IFT122: variants seen among roughly 807,000 people sequenced by gnomAD.
The protein encoded by IFT122 is intraflagellar transport 122.
A neutral mutation model predicts 161.6 loss-of-function variants in IFT122; 118 were observed. The observed-to-expected ratio is 0.73, with a 90% CI of 0.63 to 0.85. The LOEUF is 0.85. IFT122 is among the 40% of genes least tolerant of loss of function. IFT122 has a pLI of 0.00. For missense variants in IFT122, 1,381 were observed against 1,579.6 expected (o/e 0.87, Z 2.13); for synonymous variants, 550 against 602.4 (o/e 0.91, Z 1.27).
chr3:129,443,315 G>A (rs767099041), intron 1 of IFT122, among the ~76,000 whole-genome samples: 1 of 152,252 alleles, frequency 6.6e-6, no homozygotes, highest in Non-Finnish European at 1.5e-5. Context: ...AGGACAATTT[G>A]CAGGATTCCT....
At position 129,470,513 on chromosome 3, in the gene IFT122, C is replaced by T. The variant is rs1577495215; in HGVS notation, c.816+1096C>T. 2.6e-5 allele frequency among the ~76,000 whole-genome samples: 4 copies of T among 151,990 alleles called. No individual in the cohort carries two copies. The East Asian group carries it at 7.8e-4, about 30-fold the overall frequency. ...ATCTCCTGACCTCGTGATCCGCCCG[C>T]CTCAGCCTCCCAAAGTGCTGGGATT... On this transcript the variant is annotated intron_variant, in intron 9 of 29. Transcript: ENST00000348417.
At chr3:129,493,100 G>C (rs1175663984) in intron 17 of IFT122, among the ~76,000 whole-genome samples, 1 of 152,106 alleles carries the variant, frequency 6.6e-6, no homozygotes, top group Non-Finnish European at 1.5e-5. Context: ...TTATAGACTT[G>C]AGCTACCATG....
intron 1 of IFT122, among the ~76,000 whole-genome samples, chr3:129,441,279 G>C (rs183040424): frequency 6.6e-6 from 1 of 152,168 alleles, no homozygotes; most frequent in Non-Finnish European, 1.5e-5. Context: ...ATCTTTCTCT[G>C]TGTAAAGCAT....
rs1559889454 is a variant in IFT122 at position 129,469,379 on chromosome 3, G to C, written c.778G>C (p.Gly260Arg). 1 of 1,614,004 alleles carries C rather than the reference G, an allele frequency of 6.2e-7. No individual in the cohort carries two copies. The highest frequency in any genetic ancestry group is 8.5e-7 in the Non-Finnish European group (1 of 1,179,958). ...RNDILAVADW[G>R]QKVSFYQLSG... ...TGACATCCTGGCTGTGGCTGACTGG[G>C]GACAGAAAGTTTCCTTCTACCAGCT... The change falls in exon 9 of 30, where the codon GGA becomes CGA. Residue 260 changes from glycine (G) to arginine (R), a missense_variant. Gly to Arg is a moderately radical substitution (Grantham distance 125, BLOSUM62 -2). Transcript: ENST00000348417.
At chr3:129,512,859 G>A (rs2082999885) in intron 24 of IFT122, 1 of 248,064 alleles carries the variant, frequency 4.0e-6, no homozygotes, top group African/African-American at 2.3e-5. Context: ...CATCAAAGAG[G>A]GAGGTCACAA....
chr3:129,517,268 G>GCACGCGCGCACA (rs1553776446), intron 26 of IFT122, among the ~76,000 whole-genome samples: 20 of 117,118 alleles, frequency 1.7e-4, no homozygotes, highest in African/African-American at 6.5e-4. Flanking sequence ...CATTGCTCCT[G>GCACGCGCGCACA]CACACACACA....
At chr3:129,466,282 AT>A (rs967560965) in intron 7 of IFT122, among the ~76,000 whole-genome samples, 10 of 151,448 alleles carry the variant, frequency 6.6e-5, no homozygotes, top group African/African-American at 2.4e-4. Context: ...TTCCTGAATA[AT>A]TTTTTTTGGC....
In IFT122 at chr3:129,476,818, G is replaced by C; in HGVS notation, c.1147+17G>C. The stretch of plus-strand genomic sequence containing the variant: ...AGCAGAAAGGTAAGAGGCAGGTCCA[G>C]ACCTTGGGAAGAGGGACAGGTGGAA... On this transcript the variant is annotated intron_variant, in intron 11 of 29. Transcript: ENST00000348417. The C allele has an allele frequency of 6.2e-7, 1 of 1,614,070 alleles. No individual in the cohort carries two copies. Among genetic ancestry groups the C allele is most frequent in the East Asian group, 2.2e-5 (1 of 44,886 alleles).
rs778597825 is a variant in IFT122 at position 129,469,357 on chromosome 3, C to T, written c.756C>T (p.Asp252=). 15 of 1,613,968 alleles carry T rather than the reference C, an allele frequency of 9.3e-6. No individual in the cohort carries two copies. The South Asian group carries it at 1.6e-4, about 18-fold the overall frequency. ...PRDDNLEERN[D]ILAVADWGQK... is the part of the protein sequence containing the mutation. ...TGTTGATTAGAGAGGAACGTAATGA[C>T]ATCCTGGCTGTGGCTGACTGGGGAC... Residue 252 remains aspartate (D), a synonymous_variant, in exon 9 of 30, where the codon GAC becomes GAT. Coordinates refer to ENST00000348417, the MANE Select transcript of IFT122 (RefSeq NM_052989.3).
chr3:129,482,432 C>T (rs772440008), intron 14 of IFT122, among the ~76,000 whole-genome samples: 17 of 152,150 alleles, frequency 1.1e-4, no homozygotes, highest in Non-Finnish European at 2.2e-4. Context: ...AGCTGGAGCC[C>T]CTCCTGACTG....
intron 5 of IFT122, 162 bp downstream of exon 5, chr3:129,461,466 T>C: frequency 1.4e-6 from 1 of 691,368 alleles, no homozygotes; most frequent in South Asian, 1.5e-5. Flanking sequence ...TTAAATTGTG[T>C]GGAAACCAAG....
At chr3:129,452,614 T>C (rs2107937496) in intron 3 of IFT122, among the ~76,000 whole-genome samples, 1 of 152,190 alleles carries the variant, frequency 6.6e-6, no homozygotes, top group Admixed American at 6.5e-5. Flanking sequence ...AGGAGCTGGA[T>C]CAAAGAGAAT....
chr3:129,481,259 C>T (rs1479757428), intron 13 of IFT122: 12 of 431,770 alleles, frequency 2.8e-5, no homozygotes, highest in Non-Finnish European at 4.8e-5. Flanking sequence ...AACAAATCCC[C>T]AGTCCGAACA....
intron 9 of IFT122, among the ~76,000 whole-genome samples, chr3:129,474,851 A>G (rs190035478): frequency 1.9e-3 from 290 of 152,296 alleles, no homozygotes; most frequent in African/African-American, 6.8e-3. Flanking sequence ...TATCTGGAAT[A>G]TATAAAGAGC....
chr3:129,454,680 A>G (rs1385012758), intron 3 of IFT122, among the ~76,000 whole-genome samples: 4 of 152,088 alleles, frequency 2.6e-5, no homozygotes, highest in Non-Finnish European at 1.5e-5. Flanking sequence ...TCCAGGGCCC[A>G]GTATAAGGCC....
chr3:129,466,181 C>G (rs942128905), intron 7 of IFT122, among the ~76,000 whole-genome samples: 8 of 152,232 alleles, frequency 5.3e-5, no homozygotes, highest in Non-Finnish European at 1.5e-5. Context: ...TGAGGGTAAA[C>G]GAAAGGTCCT....
chr3:129,510,436 A>G (rs2082694285), intron 23 of IFT122, among the ~76,000 whole-genome samples: 1 of 152,144 alleles, frequency 6.6e-6, no homozygotes, highest in Admixed American at 6.5e-5. Flanking sequence ...ATCTTCCCTT[A>G]CAGTCTTTGG....
chr3:129,468,612 G>A (rs188848490), intron 8 of IFT122, among the ~76,000 whole-genome samples: 9 of 152,286 alleles, frequency 5.9e-5, no homozygotes, highest in Admixed American at 3.3e-4. Context: ...CCAAAGTGCT[G>A]GAATTACAAG....
At position 129,499,981 on chromosome 3, in the gene IFT122, A is replaced by G; in HGVS notation, c.2288A>G (p.Glu763Gly). 6.2e-7 allele frequency: 1 copy of G among 1,614,254 alleles called. No individual in the cohort carries two copies. Among genetic ancestry groups the G allele is most frequent in the Non-Finnish European group, 8.5e-7 (1 of 1,180,044 alleles). Reference sequence around the variant, plus strand: ...GCTGACTGGGCCAGAAATATCAAGGAGCCCAAAGCCGCCGTGGAGATGTAC... The same window carrying G: ...GCTGACTGGGCCAGAAATATCAAGGGGCCCAAAGCCGCCGTGGAGATGTAC... ...KQADWARNIK[E>G]PKAAVEMYIS... Residue 763 changes from glutamate (E) to glycine (G), a missense_variant, in exon 19 of 30, where the codon GAG becomes GGG. Physicochemically the swap from Glu to Gly is moderately conservative, Grantham distance 98 (BLOSUM62 -2). Coordinates refer to ENST00000348417, the MANE Select transcript of IFT122 (RefSeq NM_052989.3).
Sources: gnomAD v4.1 joint callset for allele counts (sites outside exome capture counted in the v4.1 genomes callset) on GRCh38, gnomAD v4.1.1 for gene constraint, MANE v1.5 for transcripts, NCBI Gene and HGNC (gene_info 2026-07-23, HGNC 2026-07-21) for gene names.